The following PHF21A variants were observed in gnomAD, a reference collection of about 807,000 sequenced individuals.
PHF21A encodes PHD finger protein 21A.
In PHF21A, 11 loss-of-function variants were observed where a neutral mutation model predicts 82.5. The observed-to-expected ratio is 0.13, with a 90% CI of 0.08 to 0.22. The LOEUF is 0.22. Ranked by LOEUF, PHF21A falls within the 10% of genes least tolerant of loss-of-function variation. PHF21A has a pLI of 1.00. For missense variants in PHF21A, 579 were observed against 837.8 expected, an observed-to-expected ratio of 0.69 and a Z score of 3.81; for synonymous variants, 297 against 302.8, an observed-to-expected ratio of 0.98 and a Z score of 0.20.
At chr11:46,000,632 A>C (rs2095089391) in intron 6 of PHF21A, among the ~76,000 whole-genome samples, 1 of 152,132 alleles carries the variant, frequency 6.6e-6, no homozygotes. Flanking sequence ...TAAGATATAA[A>C]TTTATGGCTG....
At chr11:46,110,839 GCAATGGCACAA>G (rs2097204561) in intron 1 of PHF21A, among the ~76,000 whole-genome samples, 1 of 149,964 alleles carries the variant, frequency 6.7e-6, no homozygotes, top group South Asian at 2.1e-4. Flanking sequence ...AGGCTGGAGT[GCAATGGCACAA>G]CCGCAGCTCA....
intron 1 of PHF21A, among the ~76,000 whole-genome samples, chr11:46,096,169 C>T (rs1385341196): frequency 6.6e-6 from 1 of 152,126 alleles, no homozygotes; most frequent in Non-Finnish European, 1.5e-5. Context: ...CTTGTACCCA[C>T]CTCTCTTACC....
At chr11:45,994,300 A>T (rs986992462) in intron 6 of PHF21A, among the ~76,000 whole-genome samples, 3 of 152,208 alleles carry the variant, frequency 2.0e-5, no homozygotes, top group African/African-American at 7.2e-5. Flanking sequence ...TAAAAATTTG[A>T]TTCACTAACA....
intron 6 of PHF21A, among the ~76,000 whole-genome samples, chr11:45,990,334 C>G (rs1225613258): frequency 1.5e-5 from 2 of 137,240 alleles, no homozygotes; most frequent in Non-Finnish European, 3.1e-5. Flanking sequence ...TCTGGGCTCA[C>G]TGCAGCCTTG....
chr11:45,959,310 T>C (rs924887920), intron 10 of PHF21A, among the ~76,000 whole-genome samples: 7 of 152,272 alleles, frequency 4.6e-5, no homozygotes, highest in African/African-American at 1.2e-4. Flanking sequence ...CAAACCATCA[T>C]GTTGTATACC....
chr11:46,073,743 AC>A (rs2096685300), intron 6 of PHF21A, among the ~76,000 whole-genome samples: 1 of 152,196 alleles, frequency 6.6e-6, no homozygotes, highest in Non-Finnish European at 1.5e-5. Context: ...ACTTTCCAAA[AC>A]CATGATCTTA....
chr11:46,062,674 A>C (rs1039241702), intron 6 of PHF21A, among the ~76,000 whole-genome samples: 1 of 152,084 alleles, frequency 6.6e-6, no homozygotes, highest in African/African-American at 2.4e-5. Flanking sequence ...TTTAAGATTG[A>C]AGCGCTAAGA....
intron 10 of PHF21A, among the ~76,000 whole-genome samples, chr11:45,958,796 T>C (rs1445096980): frequency 1.3e-5 from 2 of 152,032 alleles, no homozygotes; most frequent in Admixed American, 6.5e-5. Context: ...TGCATGCCTA[T>C]AGTCCTAGTT....
At chr11:46,061,538 A>G (rs1453694574) in intron 6 of PHF21A, among the ~76,000 whole-genome samples, 1 of 152,104 alleles carries the variant, frequency 6.6e-6, no homozygotes. Flanking sequence ...TTGCTTTGTC[A>G]TTTGCTTGGT....
At chr11:45,996,103 C>T (rs1324229526) in intron 6 of PHF21A, among the ~76,000 whole-genome samples, 1 of 152,068 alleles carries the variant, frequency 6.6e-6, no homozygotes, top group Non-Finnish European at 1.5e-5. Flanking sequence ...ACCACCAAAT[C>T]CAGCCAATTT....
intron 15 of PHF21A, among the ~76,000 whole-genome samples, chr11:45,941,246 G>A (rs776111120): frequency 6.6e-6 from 1 of 152,082 alleles, no homozygotes; most frequent in Admixed American, 6.5e-5. Context: ...CTACAAGTGC[G>A]TACCACCATG....
intron 6 of PHF21A, among the ~76,000 whole-genome samples, chr11:45,988,027 A>G (rs1349855043): frequency 6.6e-6 from 1 of 152,196 alleles, no homozygotes; most frequent in Non-Finnish European, 1.5e-5. Context: ...ATACAATTTA[A>G]GTACAGTGAT....
chr11:46,103,446 T>A (rs1413945975), intron 1 of PHF21A, among the ~76,000 whole-genome samples: 3 of 152,228 alleles, frequency 2.0e-5, no homozygotes, highest in African/African-American at 4.8e-5. Context: ...TTGCTTAGTT[T>A]TAAAAATATT....
intron 10 of PHF21A, among the ~76,000 whole-genome samples, chr11:45,961,535 T>C (rs1383530434): frequency 6.6e-6 from 1 of 152,216 alleles, no homozygotes; most frequent in African/African-American, 2.4e-5. Context: ...TACTTCTCTT[T>C]AGAAGATACT....
chr11:46,029,750 G>A lies in PHF21A; in HGVS notation c.153+47004C>T, dbSNP rs542639880. On this transcript the variant is annotated intron_variant, in intron 6 of 18. Coordinates refer to ENST00000676320, the MANE Select transcript of PHF21A (RefSeq NM_001352027.3). ...CTAAAAACCTAGCAATAAATTTCAT[G>A]TCATTTCCAATAGTGCACCTAGCTT... 2.8e-4 allele frequency among the ~76,000 whole-genome samples: 42 copies of A among 151,342 alleles called. 1 individual carries two copies. Among genetic ancestry groups the A allele is most frequent in the African/African-American group, 9.9e-4 (41 of 41,234 alleles).
chr11:45,953,472 T>G, intron 11 of PHF21A, 55 bp downstream of exon 11: 2 of 1,081,820 alleles, frequency 1.8e-6, no homozygotes, highest in Non-Finnish European at 2.9e-6. Flanking sequence ...TCCTGGTACA[T>G]GAGAATAAAC....
At chr11:46,026,706 G>A (rs555191300) in intron 6 of PHF21A, 4 of 152,068 alleles carry the variant, frequency 2.6e-5, no homozygotes, top group East Asian at 1.9e-4. Context: ...TTTTAAATCC[G>A]TAATTAAAAA....
At chr11:45,945,717 A>T in intron 15 of PHF21A, 123 bp downstream of exon 15, 1 of 762,942 alleles carries the variant, frequency 1.3e-6, no homozygotes, top group Non-Finnish European at 2.1e-6. Flanking sequence ...AGCATTCTAT[A>T]GTGTTTAATT....
chr11:46,090,191 G>A (rs142590467), intron 3 of PHF21A, among the ~76,000 whole-genome samples: 1 of 152,114 alleles, frequency 6.6e-6, no homozygotes, highest in Non-Finnish European at 1.5e-5. Flanking sequence ...TAGTGACAAT[G>A]AGGCCAAGGT....
Sources: allele counts gnomAD v4.1 joint callset (sites outside exome capture counted in the v4.1 genomes callset), GRCh38; gene constraint gnomAD v4.1.1; transcripts MANE v1.5; gene names NCBI Gene and HGNC (gene_info 2026-07-23, HGNC 2026-07-21).